AGBL1: variants seen among roughly 807,000 people sequenced by gnomAD.
AGBL1 encodes the protein cytosolic carboxypeptidase 4.
In AGBL1, 130 loss-of-function variants were observed where a neutral mutation model predicts 118.9. The observed-to-expected ratio is 1.09, with a 90% CI of 0.95 to 1.26. AGBL1 has a LOEUF of 1.26. AGBL1 is among the 50% of genes most tolerant of loss of function. AGBL1 has a pLI of 0.00. For missense variants in AGBL1, 1,584 were observed against 1,298.1 expected, an observed-to-expected ratio of 1.22 and a Z score of -3.38; for synonymous variants, 555 against 478.9, an observed-to-expected ratio of 1.16 and a Z score of -2.08.
intron 23 of AGBL1, among the ~76,000 whole-genome samples, chr15:86,937,382 G>A (rs2080689465): frequency 6.6e-6 from 1 of 152,194 alleles, no homozygotes; most frequent in Non-Finnish European, 1.5e-5. Flanking sequence ...AGTCACAATA[G>A]CAAAGACATG....
At chr15:86,104,065 G>C (rs1183562455) in intron 1 of AGBL1, among the ~76,000 whole-genome samples, 1 of 152,212 alleles carries the variant, frequency 6.6e-6, no homozygotes, top group Non-Finnish European at 1.5e-5. Flanking sequence ...TGCCCGCTGT[G>C]CTGGTAGCTG....
At chr15:86,928,687 G>T (rs1284176177) in intron 23 of AGBL1, among the ~76,000 whole-genome samples, 8 of 152,018 alleles carry the variant, frequency 5.3e-5, no homozygotes, top group African/African-American at 1.9e-4. Flanking sequence ...TGGTCATTTT[G>T]AATGTGCCCC....
At chr15:86,846,096 T>C (rs901897767) in intron 22 of AGBL1, among the ~76,000 whole-genome samples, 45 of 152,328 alleles carry the variant, frequency 3.0e-4, no homozygotes, top group African/African-American at 1.0e-3. Flanking sequence ...CACATATACT[T>C]AGATTTTCTT....
At chr15:86,832,353 T>C (rs895794585) in intron 22 of AGBL1, among the ~76,000 whole-genome samples, 8 of 152,238 alleles carry the variant, frequency 5.3e-5, no homozygotes, top group African/African-American at 1.9e-4. Context: ...CTGCAAATTT[T>C]CTGAACTTTT....
At chr15:86,474,246 C>T (rs985843936) in intron 18 of AGBL1, among the ~76,000 whole-genome samples, 8 of 152,088 alleles carry the variant, frequency 5.3e-5, no homozygotes, top group Admixed American at 4.6e-4. Flanking sequence ...GTGGATGCAG[C>T]CAACTGAGTG....
intron 23 of AGBL1, among the ~76,000 whole-genome samples, chr15:86,958,740 A>G (rs2080959182): frequency 6.6e-6 from 1 of 152,190 alleles, no homozygotes; most frequent in Non-Finnish European, 1.5e-5. Flanking sequence ...AGTTCAGAAG[A>G]TATTCATTTT....
intron 22 of AGBL1, among the ~76,000 whole-genome samples, chr15:86,755,976 G>A (rs1037722688): frequency 6.6e-6 from 1 of 152,124 alleles, no homozygotes; most frequent in Non-Finnish European, 1.5e-5. Flanking sequence ...AAGATGGCTA[G>A]AGGCTGGAAT....
rs2141608098 is a variant in AGBL1 at position 86,914,422 on chromosome 15, A to G, written c.*7128A>G. ...TAAAAATGAAGTGCACCCATACTTAAAGAGACACGTTTAGTAAATGATAGA... is the reference window on the plus strand; with the variant it reads ...TAAAAATGAAGTGCACCCATACTTAGAGAGACACGTTTAGTAAATGATAGA... On this transcript the variant is annotated 3_prime_UTR_variant, in exon 23 of 23. Transcript: ENST00000614907. 6.6e-6 allele frequency: 1 copy of G among 152,300 alleles called. No individual in the cohort carries two copies. The highest frequency in any genetic ancestry group is 2.1e-4 in the South Asian group (1 of 4,822). 9.4% of individuals were successfully genotyped at this position (152,300 alleles called of 1,614,324 possible).
chr15:86,991,238 T>C (rs2081333360), intron 24 of AGBL1, among the ~76,000 whole-genome samples: 1 of 152,124 alleles, frequency 6.6e-6, no homozygotes, highest in Non-Finnish European at 1.5e-5. Flanking sequence ...TTTGTTCATT[T>C]GTTTGTTTGT....
At chr15:86,327,297 G>C (rs917868789) in intron 17 of AGBL1, among the ~76,000 whole-genome samples, 1 of 152,188 alleles carries the variant, frequency 6.6e-6, no homozygotes, top group Non-Finnish European at 1.5e-5. Context: ...TATGGAGTTA[G>C]AGCCCCAGCT....
chr15:86,214,967 C>T (rs977554956), intron 5 of AGBL1, among the ~76,000 whole-genome samples: 1 of 152,130 alleles, frequency 6.6e-6, no homozygotes, highest in Admixed American at 6.5e-5. Flanking sequence ...TTGACAGCAT[C>T]TGGATAGAGT....
chr15:86,822,357 A>G (rs2078953185), intron 22 of AGBL1, among the ~76,000 whole-genome samples: 1 of 152,078 alleles, frequency 6.6e-6, no homozygotes, highest in South Asian at 2.1e-4. Context: ...TCTCTTCCAA[A>G]TAAATTAGTA....
In AGBL1 at chr15:86,154,510, G is replaced by T. The variant is rs1326463703; in HGVS notation, c.343G>T (p.Gly115Cys). The T allele has an allele frequency of 2.5e-6, 4 of 1,613,116 alleles. No homozygotes were observed. ...TCTGGCCAGGAAGAACCTATCCCAT[G>T]GCCAGAATCTCCTCCACTGTCTCTG... The part of the protein sequence containing the change: ...LILARKNLSH[G>C]QNLLHCLWAL... The change falls in exon 4 of 23, where the codon GGC (glycine) becomes TGC (cysteine). Residue 115 changes from glycine (G) to cysteine (C), a missense_variant. Physicochemically the swap from Gly to Cys is radical, Grantham distance 159. Coordinates refer to ENST00000614907, the MANE Select transcript of AGBL1 (RefSeq NM_001386094.1).
In AGBL1 at chr15:86,150,243, C is replaced by A. The variant is rs573554358; in HGVS notation, c.263-4187C>A. Among the ~76,000 whole-genome samples, 6 of 152,156 alleles carry A rather than the reference C, an allele frequency of 3.9e-5. No individual in the cohort carries two copies. The East Asian group carries it at 9.7e-4, about 24-fold the overall frequency. Reference sequence around the variant, plus strand: ...CTAGAGAAACAAGAACAAACAAATGCAAAAGCTAGCATAAGGCAAGAAATA... The same window carrying A: ...CTAGAGAAACAAGAACAAACAAATGAAAAAGCTAGCATAAGGCAAGAAATA... On this transcript the variant is annotated intron_variant, in intron 3 of 22. Transcript: ENST00000614907.
intron 21 of AGBL1, among the ~76,000 whole-genome samples, chr15:86,621,920 C>G (rs979743091): frequency 6.6e-6 from 1 of 152,156 alleles, no homozygotes; most frequent in Admixed American, 6.5e-5. Flanking sequence ...CAAATACAAT[C>G]TTGTTTTACA....
At chr15:86,843,924 T>A (rs1258615447) in intron 22 of AGBL1, among the ~76,000 whole-genome samples, 1 of 152,174 alleles carries the variant, frequency 6.6e-6, no homozygotes, top group African/African-American at 2.4e-5. Context: ...CCCAGACAAC[T>A]ACTAATCTTT....
intron 22 of AGBL1, among the ~76,000 whole-genome samples, chr15:86,700,468 TACACACACACACACACACAC>T (rs67457435): frequency 8.7e-6 from 1 of 114,654 alleles, no homozygotes; most frequent in African/African-American, 3.6e-5. Context: ...AGCAGACTAA[TACACACACACACACACACAC>T]ACACACACAC....
At chr15:86,344,449 G>A (rs1345872813) in intron 17 of AGBL1, among the ~76,000 whole-genome samples, 3 of 152,116 alleles carry the variant, frequency 2.0e-5, no homozygotes, top group Non-Finnish European at 4.4e-5. Flanking sequence ...CTATGTGAAT[G>A]GAGCCCCCTA....
chr15:86,901,781 T>C (rs1567231380), intron 22 of AGBL1, among the ~76,000 whole-genome samples: 1 of 152,086 alleles, frequency 6.6e-6, no homozygotes, highest in Non-Finnish European at 1.5e-5. Flanking sequence ...ACACTGAAAT[T>C]TGGTACTTTT....
Sources: gnomAD v4.1 joint callset for allele counts (sites outside exome capture counted in the v4.1 genomes callset) on GRCh38, gnomAD v4.1.1 for gene constraint, MANE v1.5 for transcripts, NCBI Gene and HGNC (gene_info 2026-07-23, HGNC 2026-07-21) for gene names.